The following CCDC91 variants were observed in gnomAD, a reference collection of about 807,000 sequenced individuals.
CCDC91 encodes coiled-coil domain containing 91.
CCDC91 carries 48 observed loss-of-function variants against 63.2 expected under a neutral mutation model. The ratio of observed to expected loss-of-function variants is 0.76; its 90% CI spans 0.60 to 0.97. The LOEUF (loss-of-function observed/expected upper bound fraction) is 0.97. Among genes scored for constraint, CCDC91 ranks in the 50% least tolerant of loss-of-function variants. CCDC91 has a pLI of 0.00. For missense variants in CCDC91, 500 were observed against 494.6 expected (o/e 1.01, Z -0.10); for synonymous variants, 167 against 165.8 (o/e 1.01, Z -0.06).
Position 28,450,356 on chromosome 12 carries a change from T to C in CCDC91, c.862T>C (p.Leu288=), listed in dbSNP as rs755557817. ...CTGTTTTATCATTTGACAGGAAATA[T>C]TGGAAAAGTGTTTGGAGGAAGAAAG... The part of the protein sequence containing the change: ...IQQSQEQKEI[L]EKCLEEERQR... Residue 288 remains leucine (L), a synonymous_variant, in exon 10 of 13, where the codon TTG becomes CTG. Transcript: ENST00000536442. 2.5e-6 allele frequency: 4 copies of C among 1,611,714 alleles called. No homozygotes were observed. In the South Asian group the frequency reaches 3.3e-5, roughly 13 times the overall value.
intron 8 of CCDC91, among the ~76,000 whole-genome samples, chr12:28,407,964 ATT>A (rs752189980): frequency 7.9e-6 from 1 of 127,140 alleles, no homozygotes; most frequent in African/African-American, 2.9e-5. Flanking sequence ...ATATATATAT[ATT>A]TTTTTTATTT....
chr12:28,191,362 CACTT>C (rs1233005230), intron 1 of CCDC91: 1 of 152,286 alleles, frequency 6.6e-6, no homozygotes, highest in African/African-American at 2.4e-5. Flanking sequence ...CTGCTACTCT[CACTT>C]GCTTCCTTGA....
intron 8 of CCDC91, among the ~76,000 whole-genome samples, chr12:28,437,992 A>G (rs753500027): frequency 6.6e-6 from 1 of 152,158 alleles, no homozygotes; most frequent in Non-Finnish European, 1.5e-5. Flanking sequence ...ATTGAGGACT[A>G]AATACGTAGT....
At chr12:28,373,837 A>T (rs1944775558) in intron 7 of CCDC91, among the ~76,000 whole-genome samples, 1 of 152,070 alleles carries the variant, frequency 6.6e-6, no homozygotes, top group Non-Finnish European at 1.5e-5. Context: ...TGTCCTGGTG[A>T]TAGTGAGTGA....
chr12:28,206,025 C>G (rs1050507336), intron 1 of CCDC91, among the ~76,000 whole-genome samples: 1 of 152,156 alleles, frequency 6.6e-6, no homozygotes, highest in Non-Finnish European at 1.5e-5. Context: ...AAGGTAGGAA[C>G]AAGAGTACCT....
intron 11 of CCDC91, among the ~76,000 whole-genome samples, chr12:28,456,766 A>G (rs1950076377): frequency 1.3e-5 from 2 of 152,118 alleles, no homozygotes. Context: ...TGTGTGTATT[A>G]AATGTGTGAT....
At chr12:28,349,706 C>T (rs1054188594) in intron 6 of CCDC91, among the ~76,000 whole-genome samples, 2 of 152,058 alleles carry the variant, frequency 1.3e-5, no homozygotes, top group African/African-American at 4.8e-5. Context: ...ATTTCAGGGC[C>T]TTTATATTTA....
chr12:28,425,584 G>T (rs1301553865), intron 8 of CCDC91, among the ~76,000 whole-genome samples: 6 of 152,140 alleles, frequency 3.9e-5, no homozygotes. Context: ...CTTCTCTGTT[G>T]TTCTATAGCA....
Position 28,549,188 on chromosome 12 carries a change from A to G in CCDC91, c.*15A>G. ...ACATTGAATAAAAAGAACATGACAA[A>G]CCCACACTGGCATTGGATAAATCAT... On this transcript the variant is annotated 3_prime_UTR_variant, in exon 13 of 13. Transcript: ENST00000536442. 1 of 1,362,542 alleles carries G rather than the reference A, an allele frequency of 7.3e-7. No individual in the cohort carries two copies. Among genetic ancestry groups the G allele is most frequent in the Non-Finnish European group, 1.1e-6 (1 of 951,936 alleles). The allele number at this position is 1,362,542 out of a possible 1,614,324, so 84.4% of individuals were successfully genotyped here.
intron 1 of CCDC91, among the ~76,000 whole-genome samples, chr12:28,204,389 T>C (rs1322961054): frequency 1.3e-5 from 2 of 152,224 alleles, no homozygotes. Context: ...GTCCCTGATA[T>C]GCATTTATTT....
chr12:28,247,947 G>A (rs1945865707), intron 1 of CCDC91, among the ~76,000 whole-genome samples: 1 of 152,184 alleles, frequency 6.6e-6, no homozygotes, highest in South Asian at 2.1e-4. Flanking sequence ...TAATGCTGCT[G>A]CTAATCTGAC....
intron 12 of CCDC91, among the ~76,000 whole-genome samples, chr12:28,510,877 G>A (rs1939300263): frequency 6.6e-6 from 1 of 151,808 alleles, no homozygotes; most frequent in African/African-American, 2.4e-5. Context: ...GTCTTAGCAT[G>A]TTCAAAACAG....
At chr12:28,481,117 C>T (rs980513286) in intron 11 of CCDC91, among the ~76,000 whole-genome samples, 2 of 152,000 alleles carry the variant, frequency 1.3e-5, no homozygotes, top group African/African-American at 4.8e-5. Flanking sequence ...CATTTGAACA[C>T]TAGTTAGATA....
chr12:28,319,242 T>C (rs1340880271), intron 6 of CCDC91: 1 of 151,938 alleles, frequency 6.6e-6, no homozygotes, highest in African/African-American at 2.4e-5. Context: ...TGCTTATAAA[T>C]GTAAAAATAA....
chr12:28,473,662 A>T (rs1950935038), intron 11 of CCDC91, among the ~76,000 whole-genome samples: 1 of 152,126 alleles, frequency 6.6e-6, no homozygotes, highest in Admixed American at 6.6e-5. Flanking sequence ...CAAACTTGGC[A>T]TTGATTCCTG....
At chr12:28,376,487 C>T (rs1944954867) in intron 7 of CCDC91, among the ~76,000 whole-genome samples, 1 of 151,606 alleles carries the variant, frequency 6.6e-6, no homozygotes, top group African/African-American at 2.4e-5. Context: ...AAAACAAAAA[C>T]TTATTCCTTG....
chr12:28,320,680 A>C (rs1940401558), intron 6 of CCDC91, among the ~76,000 whole-genome samples: 1 of 151,932 alleles, frequency 6.6e-6, no homozygotes, highest in African/African-American at 2.4e-5. Flanking sequence ...AGAGTGTCTC[A>C]ACCAGACAGT....
Position 28,377,371 on chromosome 12 carries a change from C to T in CCDC91, c.655-13933C>T, listed in dbSNP as rs1212535605. ...CATAGGAAAAGTGTTGAAACATTAT[C>T]GAATTTTGATGTAGTTGACAGATTA... On this transcript the variant is annotated intron_variant, in intron 7 of 12. Coordinates refer to ENST00000536442, the MANE Select transcript of CCDC91 (RefSeq NM_018318.5). 2.6e-5 allele frequency among the ~76,000 whole-genome samples: 4 copies of T among 151,306 alleles called. No homozygotes were observed. In the South Asian group the frequency reaches 6.2e-4, roughly 24 times the overall value.
chr12:28,294,653 C>T (rs1337843798), intron 3 of CCDC91, among the ~76,000 whole-genome samples: 2 of 151,838 alleles, frequency 1.3e-5, no homozygotes, highest in East Asian at 1.9e-4. Flanking sequence ...GGCACGATTT[C>T]GGCTCACTGC....
Sources: allele counts gnomAD v4.1 joint callset (sites outside exome capture counted in the v4.1 genomes callset), GRCh38; gene constraint gnomAD v4.1.1; transcripts MANE v1.5; gene names NCBI Gene and HGNC (gene_info 2026-07-23, HGNC 2026-07-21).